The following NKAIN2 variants were observed in gnomAD, a reference collection of about 807,000 sequenced individuals.
The protein encoded by NKAIN2 is sodium/potassium transporting ATPase interacting 2.
A neutral mutation model predicts 32.6 loss-of-function variants in NKAIN2; 14 were observed. That is an observed-to-expected ratio of 0.43 (90% CI 0.28 to 0.67). The LOEUF (loss-of-function observed/expected upper bound fraction) is 0.67. NKAIN2 is among the 30% of genes least tolerant of loss of function. The pLI is 0.17. For missense variants in NKAIN2, 198 were observed against 258.3 expected (o/e 0.77, Z 1.60); for synonymous variants, 80 against 87.2 (o/e 0.92, Z 0.46).
chr6:124,288,710 G>A (rs1795672201), intron 2 of NKAIN2, among the ~76,000 whole-genome samples: 1 of 151,966 alleles, frequency 6.6e-6, no homozygotes, highest in South Asian at 2.1e-4. Flanking sequence ...ATAATTATAT[G>A]TTAAATAAGG....
rs1157607122 is a variant in NKAIN2 at position 124,647,496 on chromosome 6, CAAAAAAAA to C, written c.274-10673_274-10666del. On this transcript the variant is annotated intron_variant, in intron 3 of 6. Transcript: ENST00000368417. ...CCTGGGCGACAGAGCGAGACTCTGT[CAAAAAAAA>C]AAAAAAAAAAAAAAAAGACTTCAAG... is the stretch of plus-strand genomic sequence containing the variant. 2.7e-4 allele frequency among the ~76,000 whole-genome samples: 16 copies of C among 58,940 alleles called. No individual in the cohort carries two copies. The Admixed American group carries it at 3.2e-3, about 12-fold the overall frequency. 38.7% of individuals were successfully genotyped at this position (58,940 alleles called of 152,430 possible).
intron 1 of NKAIN2, among the ~76,000 whole-genome samples, chr6:124,236,802 G>T (rs1792790959): frequency 6.6e-6 from 1 of 151,992 alleles, no homozygotes; most frequent in Admixed American, 6.6e-5. Context: ...GGGAGAAGAA[G>T]AAAAACCTGT....
intron 1 of NKAIN2, among the ~76,000 whole-genome samples, chr6:123,856,724 T>C (rs934309059): frequency 5.9e-5 from 9 of 152,206 alleles, no homozygotes; most frequent in Non-Finnish European, 8.8e-5. Context: ...ACATTCAGAT[T>C]TGGGGCTCCA....
chr6:123,860,370 C>A (rs1013156391), intron 1 of NKAIN2, among the ~76,000 whole-genome samples: 13 of 152,114 alleles, frequency 8.5e-5, no homozygotes, highest in African/African-American at 2.7e-4. Flanking sequence ...TGATTGAAAA[C>A]CAACTGCACC....
intron 3 of NKAIN2, among the ~76,000 whole-genome samples, chr6:124,466,659 A>T (rs1776768829): frequency 6.6e-6 from 1 of 152,122 alleles, no homozygotes; most frequent in East Asian, 1.9e-4. Flanking sequence ...ACATGTAAAA[A>T]AAGACTCTAT....
At chr6:123,943,269 G>A (rs2114560885) in intron 1 of NKAIN2, among the ~76,000 whole-genome samples, 1 of 152,094 alleles carries the variant, frequency 6.6e-6, no homozygotes, top group South Asian at 2.1e-4. Flanking sequence ...TATTAAATAT[G>A]CCTATTATTC....
chr6:124,809,834 A>G (rs75638961), intron 5 of NKAIN2, among the ~76,000 whole-genome samples: 28,606 of 149,542 alleles, frequency 0.19, 3,560 homozygotes, highest in East Asian at 0.59. Context: ...GACATGAACA[A>G]ACACTTCTCA....
chr6:124,702,240 GGATA>G (rs1387619424), intron 4 of NKAIN2, among the ~76,000 whole-genome samples: 2 of 151,800 alleles, frequency 1.3e-5, no homozygotes, highest in Non-Finnish European at 2.9e-5. Flanking sequence ...TTTTTTGTGT[GGATA>G]AATAGATCAT....
chr6:124,484,725 T>C (rs1182033626), intron 3 of NKAIN2, among the ~76,000 whole-genome samples: 5 of 152,160 alleles, frequency 3.3e-5, no homozygotes. Context: ...ACATGGTTTT[T>C]CATAGGCAAG....
intron 4 of NKAIN2, among the ~76,000 whole-genome samples, chr6:124,765,568 G>A (rs1033617954): frequency 1.3e-5 from 2 of 152,168 alleles, no homozygotes; most frequent in African/African-American, 4.8e-5. Flanking sequence ...CTGCCAAAGA[G>A]GCTCAGGCTG....
At chr6:123,813,010 T>C (rs1773542782) in intron 1 of NKAIN2, among the ~76,000 whole-genome samples, 1 of 152,266 alleles carries the variant, frequency 6.6e-6, no homozygotes, top group South Asian at 2.1e-4. Context: ...CTATGTTACA[T>C]GTGAACTGTT....
chr6:124,068,134 G>A (rs1783279030), intron 1 of NKAIN2, among the ~76,000 whole-genome samples: 1 of 152,210 alleles, frequency 6.6e-6, no homozygotes, highest in South Asian at 2.1e-4. Flanking sequence ...AACCTAAGCA[G>A]TCTGGTTCCA....
chr6:123,864,856 G>A (rs768620930), intron 1 of NKAIN2, among the ~76,000 whole-genome samples: 20 of 152,116 alleles, frequency 1.3e-4, no homozygotes, highest in Middle Eastern at 3.4e-3. Context: ...GAAATTAATT[G>A]GTTATTTAGA....
chr6:124,687,043 G>C (rs1773923511), intron 4 of NKAIN2, among the ~76,000 whole-genome samples: 1 of 151,836 alleles, frequency 6.6e-6, no homozygotes, highest in African/African-American at 2.4e-5. Flanking sequence ...CAGGTTTGAG[G>C]CTGGAATTGG....
intron 3 of NKAIN2, among the ~76,000 whole-genome samples, chr6:124,377,468 A>C (rs1800043200): frequency 6.6e-6 from 1 of 152,172 alleles, no homozygotes; most frequent in Admixed American, 6.5e-5. Context: ...TGGACATAGC[A>C]CTGGGACTTA....
At chr6:124,385,519 A>G (rs1772858126) in intron 3 of NKAIN2, among the ~76,000 whole-genome samples, 1 of 152,150 alleles carries the variant, frequency 6.6e-6, no homozygotes, top group South Asian at 2.1e-4. Context: ...GCCCCGACTC[A>G]CTGAATCGGT....
intron 1 of NKAIN2, among the ~76,000 whole-genome samples, chr6:124,072,524 C>T (rs1369731752): frequency 6.6e-6 from 1 of 151,862 alleles, no homozygotes; most frequent in African/African-American, 2.4e-5. Context: ...TTTCATTTTC[C>T]CCTGTCATTC....
intron 3 of NKAIN2, among the ~76,000 whole-genome samples, chr6:124,586,381 G>T (rs1781710734): frequency 6.6e-6 from 1 of 152,126 alleles, no homozygotes; most frequent in African/African-American, 2.4e-5. Flanking sequence ...ACTTATAACT[G>T]AGAGCTCAAC....
Position 124,252,817 on chromosome 6 carries a change from C to A in NKAIN2, c.55-30188C>A, listed in dbSNP as rs543252055. Among the ~76,000 whole-genome samples the A allele has an allele frequency of 3.2e-4, 49 of 152,112 alleles. 2 individuals are homozygous for A. Among genetic ancestry groups the A allele is most frequent in the Admixed American group, 3.1e-3 (48 of 15,272 alleles). Reference sequence around the variant, plus strand: ...CTTAGCATCTCTGTGCCTCAGTATCCTTATCTCTAAATTAAAGATAATGAT... The same window carrying A: ...CTTAGCATCTCTGTGCCTCAGTATCATTATCTCTAAATTAAAGATAATGAT... On this transcript the variant is annotated intron_variant, in intron 1 of 6. Coordinates refer to ENST00000368417, the MANE Select transcript of NKAIN2 (RefSeq NM_001040214.3).
Sources: gnomAD v4.1 joint callset for allele counts (sites outside exome capture counted in the v4.1 genomes callset) on GRCh38, gnomAD v4.1.1 for gene constraint, MANE v1.5 for transcripts, NCBI Gene and HGNC (gene_info 2026-07-23, HGNC 2026-07-21) for gene names.